Variants in AK8 observed in about 807,000 individuals in gnomAD.
AK8 encodes ATP-AMP transphosphorylase 8.
AK8 carries 44 observed loss-of-function variants against 54.6 expected under a neutral mutation model. The observed-to-expected ratio is 0.81, with a 90% confidence interval of 0.63 to 1.04. AK8 has a LOEUF of 1.04. Ranked by LOEUF, AK8 falls within the 50% of genes least tolerant of loss-of-function variation. The pLI, the probability that AK8 is intolerant of heterozygous loss-of-function variation, is 0.00. For synonymous variants in AK8, 239 were observed against 245.6 expected, an observed-to-expected ratio of 0.97 and a Z score of 0.25; for missense variants, 555 against 613.6, an observed-to-expected ratio of 0.90 and a Z score of 1.01.
chr9:132,872,001 TCTAGGCTGGGGAA>T (rs1843860428), intron 2 of AK8, among the ~76,000 whole-genome samples: 2 of 152,224 alleles, frequency 1.3e-5, no homozygotes, highest in African/African-American at 4.8e-5. Flanking sequence ...TTCTTGAGCT[TCTAGGCTGGGGAA>T]CTAGGTAAGC....
intron 10 of AK8, among the ~76,000 whole-genome samples, chr9:132,805,446 G>A (rs1840676378): frequency 6.6e-6 from 1 of 152,232 alleles, no homozygotes; most frequent in Non-Finnish European, 1.5e-5. Context: ...TCTTCTTGGG[G>A]AGACAATGTT....
intron 7 of AK8, chr9:132,827,449 G>C: frequency 8.1e-6 from 2 of 248,068 alleles, no homozygotes; most frequent in Non-Finnish European, 7.9e-6. Flanking sequence ...CAGCCAGAAA[G>C]GGACAGAGTT....
chr9:132,845,773 C>A, intron 5 of AK8, among the ~76,000 whole-genome samples: 1 of 118,418 alleles, frequency 8.4e-6, no homozygotes, highest in Non-Finnish European at 1.8e-5. Flanking sequence ...AACGAAACTC[C>A]ATCTCAAAAA....
chr9:132,874,800 G>A (rs934201919), intron 2 of AK8, among the ~76,000 whole-genome samples: 13 of 152,226 alleles, frequency 8.5e-5, no homozygotes, highest in African/African-American at 2.2e-4. Context: ...TAGGGCAGGC[G>A]AAAGCATTAA....
chr9:132,769,278 A>C (rs1838854804), intron 11 of AK8: 1 of 152,296 alleles, frequency 6.6e-6, no homozygotes, highest in Admixed American at 6.6e-5. Context: ...CGGGCCCCCC[A>C]GTTTTTTCCG....
At chr9:132,777,576 C>T (rs2131113014) in intron 11 of AK8, among the ~76,000 whole-genome samples, 1 of 152,294 alleles carries the variant, frequency 6.6e-6, no homozygotes. Context: ...ATTCATCATT[C>T]CCACCCATAC....
At chr9:132,777,211 C>T (rs888955943) in intron 11 of AK8, among the ~76,000 whole-genome samples, 6 of 152,172 alleles carry the variant, frequency 3.9e-5, no homozygotes, top group Admixed American at 2.6e-4. Flanking sequence ...AAGCTCTGAT[C>T]TCCACAGAAA....
intron 7 of AK8, chr9:132,827,421 T>C: frequency 3.6e-6 from 1 of 274,786 alleles, no homozygotes; most frequent in Non-Finnish European, 7.0e-6. Flanking sequence ...AAACTGAGTC[T>C]CAGGTATCCC....
In AK8 at chr9:132,860,002, G is replaced by A. The variant is rs1384642107; in HGVS notation, c.333+3663C>T. ...GGCCATTTTGACATTCATTTCGATGGCTCTGACCATGTCCTTGGGTCCCTG... is the reference window on the plus strand; with the variant it reads ...GGCCATTTTGACATTCATTTCGATGACTCTGACCATGTCCTTGGGTCCCTG... On this transcript the variant is annotated intron_variant, in intron 4 of 12. Coordinates refer to ENST00000298545, the MANE Select transcript of AK8 (RefSeq NM_152572.3). The surrounding 1 kb of genome is among the most constrained non-coding windows in gnomAD (Gnocchi z 4.4). Among the ~76,000 whole-genome samples the A allele has an allele frequency of 6.6e-6, 1 of 152,084 alleles. No homozygotes were observed. Among genetic ancestry groups the A allele is most frequent in the Non-Finnish European group, 1.5e-5 (1 of 68,018 alleles).
At chr9:132,816,354 C>CAA (rs35474843) in intron 9 of AK8, among the ~76,000 whole-genome samples, 36 of 91,058 alleles carry the variant, frequency 4.0e-4, no homozygotes, top group African/African-American at 7.6e-4. Flanking sequence ...GACTTTGTCT[C>CAA]AAAAAAAAAA....
At chr9:132,807,101 C>T (rs1840759649) in intron 10 of AK8, among the ~76,000 whole-genome samples, 1 of 152,148 alleles carries the variant, frequency 6.6e-6, no homozygotes, top group Non-Finnish European at 1.5e-5. Flanking sequence ...TGTCTTCCCT[C>T]CTGACAATAA....
chr9:132,805,604 C>G (rs1368330117), intron 10 of AK8, among the ~76,000 whole-genome samples: 4 of 151,296 alleles, frequency 2.6e-5, no homozygotes, highest in Non-Finnish European at 4.4e-5. Context: ...AGACAAGGCA[C>G]ACTTTCAAAA....
chr9:132,779,064 C>T (rs1839349579), intron 11 of AK8, among the ~76,000 whole-genome samples: 1 of 152,074 alleles, frequency 6.6e-6, no homozygotes, highest in Non-Finnish European at 1.5e-5. Flanking sequence ...AAATGTCTTC[C>T]ATAGATAAGG....
At position 132,863,774 on chromosome 9, in the gene AK8, A is replaced by T; in HGVS notation, c.224T>A (p.Met75Lys). Residue 75 changes from methionine (M) to lysine (K), a missense_variant, in exon 4 of 13, where the codon ATG (methionine) becomes AAG (lysine). Met to Lys is a moderately conservative substitution (Grantham distance 95). Transcript: ENST00000298545. ...GCTGTTCAGATGTTTGCAGAGCCAC[A>T]TTGCCTGAAGAAAGGAAAGAAGAAA... is the stretch of plus-strand genomic sequence containing the variant. The part of the protein sequence containing the change: ...PPASGKTTIA[M>K]WLCKHLNSSL... The T allele has an allele frequency of 6.2e-7, 1 of 1,610,538 alleles. No individual in the cohort carries two copies.
chr9:132,855,098 C>CA (rs946857619), intron 4 of AK8, among the ~76,000 whole-genome samples, 173 bp from the exon 5 acceptor site: 7 of 152,136 alleles, frequency 4.6e-5, no homozygotes, highest in Non-Finnish European at 8.8e-5. Flanking sequence ...CTTCTCCCCC[C>CA]AGCATCTTTG....
At chr9:132,834,059 A>G (rs947673354) in intron 5 of AK8, among the ~76,000 whole-genome samples, 1 of 152,196 alleles carries the variant, frequency 6.6e-6, no homozygotes, top group African/African-American at 2.4e-5. Context: ...TGCATGCTCA[A>G]TCTCTGCAGT....
chr9:132,788,664 T>G (rs980681011), intron 11 of AK8, among the ~76,000 whole-genome samples: 2 of 152,138 alleles, frequency 1.3e-5, no homozygotes, highest in Non-Finnish European at 2.9e-5. Flanking sequence ...AAGAGACCAA[T>G]TGCACAAGAA....
chr9:132,821,755 A>ATATGTATATATGTATATTTGTATG (rs1564421173), intron 9 of AK8, among the ~76,000 whole-genome samples: 3 of 73,192 alleles, frequency 4.1e-5, no homozygotes, highest in African/African-American at 8.1e-5. Flanking sequence ...GTATATACAA[A>ATATGTATATATGTATATTTGTATG]TATATACATA....
Position 132,806,680 on chromosome 9 carries a change from T to A in AK8, c.979+7958A>T, listed in dbSNP as rs79120051. On this transcript the variant is annotated intron_variant, in intron 10 of 12. Coordinates refer to ENST00000298545, the MANE Select transcript of AK8 (RefSeq NM_152572.3). Reference sequence around the variant, plus strand: ...AAACTGGTCTATGGTCGATCTTTAGTGTGCATTTAGTGATGAGAATATTAA... The same window carrying A: ...AAACTGGTCTATGGTCGATCTTTAGAGTGCATTTAGTGATGAGAATATTAA... Among the ~76,000 whole-genome samples, 18 of 152,380 alleles carry A rather than the reference T, an allele frequency of 1.2e-4. No homozygotes were observed. The East Asian group carries it at 1.9e-3, about 16-fold the overall frequency.
Sources: allele counts gnomAD v4.1 joint callset (sites outside exome capture counted in the v4.1 genomes callset), GRCh38; gene constraint gnomAD v4.1.1; non-coding constraint Gnocchi (gnomAD v3.1); transcripts MANE v1.5; gene names NCBI Gene and HGNC (gene_info 2026-07-23, HGNC 2026-07-21).